KIF26A: variants seen among roughly 807,000 people sequenced by gnomAD.
KIF26A encodes kinesin-like protein KIF26A.
In KIF26A, 74 loss-of-function variants were observed where a neutral mutation model predicts 126.0. The ratio of observed to expected loss-of-function variants is 0.59; its 90% CI spans 0.49 to 0.71. The LOEUF (loss-of-function observed/expected upper bound fraction) is 0.71, where lower values mean the gene tolerates loss of function less well. KIF26A is among the 30% of genes least tolerant of loss of function. The pLI is 0.00. For synonymous variants in KIF26A, 1,445 were observed against 1,232.7 expected (o/e 1.17, Z -3.61); for missense variants, 2,984 against 2,763.3 (o/e 1.08, Z -1.79).
chr14:104,139,100 A>G lies in KIF26A; in HGVS notation c.100A>G (p.Lys34Glu). ...PPPLLEVSPR[K>E]RLPAGPDQDP... Reference sequence around the variant, plus strand: ...GCCGCTGCTGGAGGTGTCCCCCCGAAAGAGGCTACCCGCCGGGCCCGACCA... The same window carrying G: ...GCCGCTGCTGGAGGTGTCCCCCCGAGAGAGGCTACCCGCCGGGCCCGACCA... Residue 34 changes from lysine (K) to glutamate (E), a missense_variant, in exon 2 of 15, where the codon AAG becomes GAG. By Grantham distance (56) the Lys-to-Glu change is moderately conservative (BLOSUM62 1). Transcript: ENST00000423312. 6.8e-7 allele frequency: 1 copy of G among 1,467,220 alleles called. No individual in the cohort carries two copies. Among genetic ancestry groups the G allele is most frequent in the Non-Finnish European group, 9.0e-7 (1 of 1,111,890 alleles). 90.9% of individuals were successfully genotyped at this position (1,467,220 alleles called of 1,614,324 possible). A position where few individuals can be genotyped will look rare whatever the true frequency, so the allele number is the denominator to read the frequency against.
chr14:104,170,290 C>T (rs934699538), intron 5 of KIF26A, among the ~76,000 whole-genome samples: 2 of 152,176 alleles, frequency 1.3e-5, no homozygotes, highest in Non-Finnish European at 2.9e-5. Flanking sequence ...GTTTTGATCA[C>T]GTCGTCGGGG....
intron 5 of KIF26A, among the ~76,000 whole-genome samples, chr14:104,167,526 C>T (rs959607380): frequency 2.0e-5 from 3 of 152,118 alleles, no homozygotes; most frequent in Non-Finnish European, 2.9e-5. Context: ...GGAAGACTGC[C>T]GCCTGTGGAG....
At position 104,157,834 on chromosome 14, in the gene KIF26A, C is replaced by T. The variant is rs774773655; in HGVS notation, c.815C>T (p.Ser272Leu). ...CCCGTGGCCGGCCCTGATGGCTTGT[C>T]GAAGGCCTGGGGCCGTGGTGGAGTC... is the stretch of plus-strand genomic sequence containing the variant. ...CPPVAGPDGL[S>L]KAWGRGGVCT... The change falls in exon 4 of 15, where the codon TCG becomes TTG. Residue 272 changes from serine (S) to leucine (L), a missense_variant. Ser to Leu is a moderately radical substitution (Grantham distance 145, BLOSUM62 -2). Coordinates refer to ENST00000423312, the MANE Select transcript of KIF26A (RefSeq NM_015656.2). 8.7e-6 allele frequency: 14 copies of T among 1,609,192 alleles called. No homozygotes were observed. In the East Asian group the frequency reaches 1.6e-4, roughly 18 times the overall value.
At chr14:104,174,071 C>T in intron 10 of KIF26A, 77 bp from the exon 11 acceptor site, 3 of 1,447,614 alleles carry the variant, frequency 2.1e-6, no homozygotes, top group Non-Finnish European at 2.8e-6. Flanking sequence ...CAGACTGATC[C>T]CAGGGCTGCC....
chr14:104,153,216 C>T (rs2037746481), intron 3 of KIF26A, among the ~76,000 whole-genome samples: 1 of 152,138 alleles, frequency 6.6e-6, no homozygotes, highest in Admixed American at 6.5e-5. Flanking sequence ...AGATCCTGCC[C>T]CAGCTGGGGG....
At chr14:104,156,651 G>T (rs919922977) in intron 3 of KIF26A, among the ~76,000 whole-genome samples, 3 of 152,178 alleles carry the variant, frequency 2.0e-5, no homozygotes, top group African/African-American at 7.2e-5. Flanking sequence ...GCCCTCCATG[G>T]TGGTGAGGAG....
At position 104,168,083 on chromosome 14, in the gene KIF26A, C is replaced by T. The variant is rs747482840; in HGVS notation, c.1113+1035C>T. On this transcript the variant is annotated intron_variant, in intron 5 of 14. Transcript: ENST00000423312. ...TGTACTGGGTCTAGGGTGCCAGGAG[C>T]ACCCCTCGCAGTCCTGGTGAGAGCC... is the stretch of plus-strand genomic sequence containing the variant. Among the ~76,000 whole-genome samples the T allele has an allele frequency of 1.2e-4, 18 of 152,234 alleles. 1 individual carries two copies. Among genetic ancestry groups the T allele is most frequent in the Admixed American group, 6.5e-4 (10 of 15,292 alleles).
In KIF26A at chr14:104,166,990, C is replaced by T; in HGVS notation, c.1055C>T (p.Pro352Leu). The T allele has an allele frequency of 6.3e-7, 1 of 1,583,896 alleles. No homozygotes were observed. Among genetic ancestry groups the T allele is most frequent in the Non-Finnish European group, 8.6e-7 (1 of 1,166,108 alleles). Residue 352 changes from proline (P) to leucine (L), a missense_variant, in exon 5 of 15, where the codon CCC becomes CTC. Transcript: ENST00000423312. Reference sequence around the variant, plus strand: ...CTGCAGCTGTGGCCGCCCCCGGCGCCCCCCTGCCTGCTCAGGGCCGCCTCC... The same window carrying T: ...CTGCAGCTGTGGCCGCCCCCGGCGCTCCCCTGCCTGCTCAGGGCCGCCTCC... Reference protein sequence around the residue: ...GVLQLWPPPAPPCLLRAASKT... With the variant: ...GVLQLWPPPALPCLLRAASKT...
intron 5 of KIF26A, among the ~76,000 whole-genome samples, chr14:104,169,534 T>G (rs1234769778): frequency 6.6e-6 from 1 of 152,078 alleles, no homozygotes; most frequent in Non-Finnish European, 1.5e-5. Context: ...TTCCAGCCCC[T>G]CCACCCTGCA....
chr14:104,179,197 G>A lies in KIF26A; in HGVS notation c.5317-39G>A, dbSNP rs564924714. On this transcript the variant is annotated intron_variant, in intron 13 of 14. Coordinates refer to ENST00000423312, the MANE Select transcript of KIF26A (RefSeq NM_015656.2). Reference sequence around the variant, plus strand: ...GGCTGCTTGGGGGTCTCTGGGGAGAGGGTCCCATGCCTGAGCCCCCGCCCG... The same window carrying A: ...GGCTGCTTGGGGGTCTCTGGGGAGAAGGTCCCATGCCTGAGCCCCCGCCCG... The A allele has an allele frequency of 1.5e-4, 214 of 1,422,948 alleles. No homozygotes were observed. The African/African-American group carries it at 2.7e-3, about 18-fold the overall frequency. The allele number at this position is 1,422,948 out of a possible 1,614,324, so 88.1% of individuals were successfully genotyped here. A position where few individuals can be genotyped will look rare whatever the true frequency, so the allele number is the denominator to read the frequency against.
chr14:104,163,162 G>T (rs1566859853), intron 4 of KIF26A, among the ~76,000 whole-genome samples: 3 of 152,192 alleles, frequency 2.0e-5, no homozygotes. Context: ...CCCAAGAGCA[G>T]ACACTGGTGA....
intron 9 of KIF26A, 85 bp from the exon 10 acceptor site, chr14:104,173,621 C>G: frequency 1.3e-6 from 2 of 1,543,222 alleles, no homozygotes. Context: ...CTGGGGTTGT[C>G]CCCAGCTTGG....
At chr14:104,169,317 C>CG (rs899940012) in intron 5 of KIF26A, among the ~76,000 whole-genome samples, 1 of 152,216 alleles carries the variant, frequency 6.6e-6, no homozygotes, top group Non-Finnish European at 1.5e-5. Flanking sequence ...CCAGTTGGGG[C>CG]GGGGGGCAGA....
intron 7 of KIF26A, 30 bp from the exon 8 acceptor site, chr14:104,172,946 TG>T: frequency 6.4e-7 from 1 of 1,552,774 alleles, no homozygotes; most frequent in Non-Finnish European, 8.7e-7. Context: ...GCGTGGTGTG[TG>T]GTGGGGCCTG....
chr14:104,178,502 G>C (rs2038061581), intron 12 of KIF26A, 48 bp from the exon 13 acceptor site: 1 of 1,368,692 alleles, frequency 7.3e-7, no homozygotes, highest in Non-Finnish European at 9.6e-7. Context: ...GGCTGTGCTT[G>C]GGCTGGGCCC....
At chr14:104,139,313 C>G in intron 2 of KIF26A, 25 bp downstream of exon 2, 1 of 1,437,192 alleles carries the variant, frequency 7.0e-7, no homozygotes, top group East Asian at 2.8e-5. Context: ...CTTAGGCCGA[C>G]CCCTCCGAGC....
At position 104,177,847 on chromosome 14, in the gene KIF26A, TC is replaced by T; in HGVS notation, c.5063del (p.Pro1688GlnfsTer23). On this transcript the variant is annotated frameshift_variant, in exon 12 of 15. Coordinates refer to ENST00000423312, the MANE Select transcript of KIF26A (RefSeq NM_015656.2). LOFTEE classifies it high-confidence loss of function. ...CTCCATGAGCGAGAGTGGGGCTGCC[TC>T]CCCAGGCGCCCGCACCCGCAGCCTC... ...PDSMSESGAA[S>X]PGARTRSLKS... is the part of the protein sequence containing the mutation. The T allele has an allele frequency of 1.3e-6, 2 of 1,563,174 alleles. No individual in the cohort carries two copies. The highest frequency in any genetic ancestry group is 8.6e-7 in the Non-Finnish European group (1 of 1,161,278).
Position 104,139,034 on chromosome 14 carries a change from A to T in KIF26A, c.43-9A>T. The T allele has an allele frequency of 7.4e-7, 1 of 1,349,446 alleles. No individual in the cohort carries two copies. Among genetic ancestry groups the T allele is most frequent in the Non-Finnish European group, 9.5e-7 (1 of 1,058,174 alleles). 83.6% of individuals were successfully genotyped at this position (1,349,446 alleles called of 1,614,324 possible). ...GCTCACTGTCCGCTTCCGCCCCCAC[A>T]CCCTGCAGGTGGCCGAGGGCGGCCC... On this transcript the variant is annotated splice_polypyrimidine_tract_variant and intron_variant, in intron 1 of 14. Transcript: ENST00000423312.
chr14:104,159,660 G>A (rs1450280574), intron 4 of KIF26A, among the ~76,000 whole-genome samples: 2 of 152,248 alleles, frequency 1.3e-5, no homozygotes, highest in Admixed American at 6.5e-5. Flanking sequence ...GTTCTCCCAA[G>A]GCGGGGGCGC....
Sources: gnomAD v4.1 joint callset for allele counts (sites outside exome capture counted in the v4.1 genomes callset) on GRCh38, gnomAD v4.1.1 for gene constraint, MANE v1.5 for transcripts, NCBI Gene and HGNC (gene_info 2026-07-23, HGNC 2026-07-21) for gene names.